ANGPT1: variants seen among roughly 807,000 people sequenced by gnomAD.
The protein encoded by ANGPT1 is angiopoietin-1.
A neutral mutation model predicts 62.2 loss-of-function variants in ANGPT1; 17 were observed. The ratio of observed to expected loss-of-function variants is 0.27; its 90% CI spans 0.19 to 0.41. The LOEUF (loss-of-function observed/expected upper bound fraction) is 0.41. ANGPT1 is among the 10% of genes least tolerant of loss of function. The pLI is 1.00. For missense variants in ANGPT1, 478 were observed against 594.9 expected (o/e 0.80, Z 2.04); for synonymous variants, 199 against 198.9 (o/e 1.00, Z 0.00).
At chr8:107,456,797 T>C (rs1027756617) in intron 1 of ANGPT1, among the ~76,000 whole-genome samples, 7 of 152,038 alleles carry the variant, frequency 4.6e-5, no homozygotes, top group African/African-American at 1.7e-4. Flanking sequence ...TAAAATGAAA[T>C]GTAAATCTCG....
At position 107,299,420 on chromosome 8, in the gene ANGPT1, T is replaced by TATATATATATATATATATAA. The variant is rs1342219214; in HGVS notation, c.936+3819_936+3820insTTATATATATATATATATAT. Among the ~76,000 whole-genome samples, 58 of 120,384 alleles carry TATATATATATATATATATAA rather than the reference T, an allele frequency of 4.8e-4. 1 individual carries two copies. Among genetic ancestry groups the TATATATATATATATATATAA allele is most frequent in the Non-Finnish European group, 7.5e-4 (42 of 55,680 alleles). The allele number at this position is 120,384 out of a possible 152,430, so 79.0% of individuals were successfully genotyped here. A position where few individuals can be genotyped will look rare whatever the true frequency, so the allele number is the denominator to read the frequency against. On this transcript the variant is annotated intron_variant, in intron 5 of 8. Coordinates refer to ENST00000517746, the MANE Select transcript of ANGPT1 (RefSeq NM_001146.5). ...ATATATATATATATATATATATATA[T>TATATATATATATATATATAA]AAACATACATATATATACTAAGCAT...
intron 1 of ANGPT1, among the ~76,000 whole-genome samples, chr8:107,361,234 A>G (rs1489461989): frequency 6.6e-6 from 1 of 152,038 alleles, no homozygotes; most frequent in Non-Finnish European, 1.5e-5. Context: ...ACAAAATCCA[A>G]TCAATATTCA....
Position 107,475,559 on chromosome 8 carries a change from T to C in ANGPT1, c.297+21703A>G, listed in dbSNP as rs539861713. Among the ~76,000 whole-genome samples, 573 of 152,208 alleles carry C rather than the reference T, an allele frequency of 3.8e-3. 4 individuals carry two copies. The highest frequency in any genetic ancestry group is 4.1e-3 in the Non-Finnish European group (278 of 68,022). On this transcript the variant is annotated intron_variant, in intron 1 of 8. Coordinates refer to ENST00000517746, the MANE Select transcript of ANGPT1 (RefSeq NM_001146.5). Reference sequence around the variant, plus strand: ...TTCATGTCTAAAACACCAAAAGCAATGGCAACAAAAGCCAAAATTGACAAA... The same window carrying C: ...TTCATGTCTAAAACACCAAAAGCAACGGCAACAAAAGCCAAAATTGACAAA...
intron 1 of ANGPT1, among the ~76,000 whole-genome samples, chr8:107,480,746 C>A (rs1429439725): frequency 1.3e-5 from 2 of 152,140 alleles, no homozygotes; most frequent in Non-Finnish European, 2.9e-5. Flanking sequence ...CAACTATAGA[C>A]AAGAGCAGAG....
chr8:107,433,070 C>T (rs1160926767), intron 1 of ANGPT1, among the ~76,000 whole-genome samples: 1 of 151,976 alleles, frequency 6.6e-6, no homozygotes, highest in Non-Finnish European at 1.5e-5. Flanking sequence ...CTCTTTTTCC[C>T]CTCTTTTTTT....
chr8:107,357,234 C>T (rs1398227539), intron 1 of ANGPT1, among the ~76,000 whole-genome samples: 1 of 152,160 alleles, frequency 6.6e-6, no homozygotes, highest in Non-Finnish European at 1.5e-5. Flanking sequence ...TGCCTAACAA[C>T]ACAGAAATCT....
intron 6 of ANGPT1, among the ~76,000 whole-genome samples, chr8:107,286,609 T>C (rs1304925788): frequency 6.6e-6 from 1 of 151,900 alleles, no homozygotes; most frequent in Non-Finnish European, 1.5e-5. Context: ...AAAATTAACA[T>C]ATGTGTACAC....
Position 107,347,586 on chromosome 8 carries a change from C to T in ANGPT1, c.298-489G>A, listed in dbSNP as rs551065973. Among the ~76,000 whole-genome samples the T allele has an allele frequency of 2.6e-5, 4 of 152,228 alleles. No homozygotes were observed. In the South Asian group the frequency reaches 8.3e-4, roughly 32 times the overall value. ...TATCTCAGAAAAATTCAGCCTCCTG[C>T]TTCCATTTTTGTAACGATAAATAAA... On this transcript the variant is annotated intron_variant, in intron 1 of 8. Coordinates refer to ENST00000517746, the MANE Select transcript of ANGPT1 (RefSeq NM_001146.5).
chr8:107,416,799 C>CTT (rs35404455), intron 1 of ANGPT1, among the ~76,000 whole-genome samples: 2,733 of 130,112 alleles, frequency 0.021, 109 homozygotes, highest in African/African-American at 0.071. Flanking sequence ...GTCAGATAAT[C>CTT]TTTTTTTTTT....
intron 1 of ANGPT1, among the ~76,000 whole-genome samples, chr8:107,400,240 T>A (rs1418851218): frequency 6.6e-6 from 1 of 152,152 alleles, no homozygotes. Flanking sequence ...AAAGAACGAG[T>A]AAAACGAACA....
rs115368491 is a variant in ANGPT1, at chr8:107,412,140, T to C, written c.298-65043A>G. On this transcript the variant is annotated intron_variant, in intron 1 of 8. Transcript: ENST00000517746. ...CCAGATATTGCAAAATAGCCCAAGA[T>C]TGAGAACCGCTACTGTAGGAGAAAG... 4.7e-3 allele frequency among the ~76,000 whole-genome samples: 709 copies of C among 152,280 alleles called. 4 individuals are homozygous for C. Among genetic ancestry groups the C allele is most frequent in the African/African-American group, 0.016 (680 of 41,546 alleles).
At chr8:107,469,092 CTTTG>C (rs985787340) in intron 1 of ANGPT1, among the ~76,000 whole-genome samples, 3 of 151,944 alleles carry the variant, frequency 2.0e-5, no homozygotes, top group Non-Finnish European at 4.4e-5. Context: ...AGTACTTTTT[CTTTG>C]TTTGCAAATA....
At chr8:107,402,368 C>A (rs980522333) in intron 1 of ANGPT1, among the ~76,000 whole-genome samples, 1 of 152,058 alleles carries the variant, frequency 6.6e-6, no homozygotes, top group Non-Finnish European at 1.5e-5. Flanking sequence ...ATCCTAGAGA[C>A]CCTTAAATAC....
chr8:107,295,258 A>G (rs1443796913), intron 5 of ANGPT1: 1 of 152,088 alleles, frequency 6.6e-6, no homozygotes, highest in Admixed American at 6.6e-5. Flanking sequence ...GTATGTCTTC[A>G]TTAACCCTAG....
chr8:107,307,130 T>C (rs1814737706), intron 4 of ANGPT1, among the ~76,000 whole-genome samples: 1 of 152,128 alleles, frequency 6.6e-6, no homozygotes, highest in Non-Finnish European at 1.5e-5. Flanking sequence ...CTTTAATTTC[T>C]GATGAGTTCA....
intron 1 of ANGPT1, among the ~76,000 whole-genome samples, chr8:107,445,837 G>C (rs1401954663): frequency 6.6e-6 from 1 of 152,038 alleles, no homozygotes; most frequent in Non-Finnish European, 1.5e-5. Flanking sequence ...TGATTTTAAA[G>C]TTTCTAGTAT....
chr8:107,285,884 G>C (rs1388148886), intron 6 of ANGPT1, among the ~76,000 whole-genome samples: 2 of 151,992 alleles, frequency 1.3e-5, no homozygotes, highest in Non-Finnish European at 2.9e-5. Context: ...TTGTATTTGT[G>C]AATTTCCAAA....
At chr8:107,274,196 C>T (rs904618350) in intron 7 of ANGPT1, among the ~76,000 whole-genome samples, 4 of 152,018 alleles carry the variant, frequency 2.6e-5, no homozygotes, top group African/African-American at 4.8e-5. Context: ...TCTTTAGGTG[C>T]GACTCAGAAA....
chr8:107,447,790 C>A (rs557612423), intron 1 of ANGPT1, among the ~76,000 whole-genome samples: 2 of 152,266 alleles, frequency 1.3e-5, no homozygotes, highest in South Asian at 4.1e-4. Flanking sequence ...AGTAATGCTA[C>A]AGTGGGATTC....
Sources: gnomAD v4.1 joint callset for allele counts (sites outside exome capture counted in the v4.1 genomes callset) on GRCh38, gnomAD v4.1.1 for gene constraint, MANE v1.5 for transcripts, NCBI Gene and HGNC (gene_info 2026-07-23, HGNC 2026-07-21) for gene names.